XRCC4: variants seen among roughly 807,000 people sequenced by gnomAD.
The protein encoded by XRCC4 is X-ray repair cross complementing 4.
XRCC4 carries 28 observed loss-of-function variants against 39.1 expected under a neutral mutation model. The observed-to-expected ratio is 0.72, with a 90% CI of 0.53 to 0.98. The LOEUF (loss-of-function observed/expected upper bound fraction) is 0.98, where lower values mean the gene tolerates loss of function less well. Among genes scored for constraint, XRCC4 ranks in the 50% least tolerant of loss-of-function variants. The pLI, the probability that XRCC4 is intolerant of heterozygous loss-of-function variation, is 0.00. For synonymous variants in XRCC4, 123 were observed against 126.4 expected (o/e 0.97, Z 0.18); for missense variants, 350 against 376.4 (o/e 0.93, Z 0.58).
At chr5:83,114,369 T>C (rs1345880831) in intron 3 of XRCC4, among the ~76,000 whole-genome samples, 5 of 152,232 alleles carry the variant, frequency 3.3e-5, no homozygotes, top group Admixed American at 6.5e-5. Context: ...GCTGCAAATT[T>C]TCCAAACTTT....
chr5:83,112,628 A>G (rs1746496792), intron 3 of XRCC4, among the ~76,000 whole-genome samples: 1 of 152,220 alleles, frequency 6.6e-6, no homozygotes, highest in African/African-American at 2.4e-5. Flanking sequence ...TTTATAAAGG[A>G]AAAAGATTTA....
chr5:83,164,114 C>T (rs1043818506), intron 3 of XRCC4, among the ~76,000 whole-genome samples: 3 of 151,936 alleles, frequency 2.0e-5, no homozygotes, highest in African/African-American at 7.3e-5. Context: ...AAAAACTTAC[C>T]CTAAGTTCTT....
At chr5:83,237,013 A>G (rs1483211136) in intron 6 of XRCC4, among the ~76,000 whole-genome samples, 1 of 152,186 alleles carries the variant, frequency 6.6e-6, no homozygotes, top group Non-Finnish European at 1.5e-5. Flanking sequence ...CTGCAATGAG[A>G]TATCATCTCA....
downstream of XRCC4, among the ~76,000 whole-genome samples, chr5:83,355,796 C>T (rs1757183441): frequency 6.6e-6 from 1 of 152,082 alleles, no homozygotes; most frequent in Non-Finnish European, 1.5e-5. Context: ...GCCACCACAC[C>T]CGGCTAATTT....
intron 7 of XRCC4, among the ~76,000 whole-genome samples, chr5:83,327,540 T>C (rs73140203): frequency 0.02 from 3,088 of 152,142 alleles, 109 homozygotes; most frequent in African/African-American, 0.07. Flanking sequence ...GTGACAGTTA[T>C]GTTAATTAGC....
intron 7 of XRCC4, among the ~76,000 whole-genome samples, chr5:83,277,267 C>A (rs1460664984): frequency 6.6e-6 from 1 of 152,198 alleles, no homozygotes; most frequent in Non-Finnish European, 1.5e-5. Context: ...GATGAAATTG[C>A]ACTTCACAGC....
chr5:83,314,843 C>T (rs1473728570), intron 7 of XRCC4, among the ~76,000 whole-genome samples: 1 of 152,106 alleles, frequency 6.6e-6, no homozygotes, highest in Non-Finnish European at 1.5e-5. Context: ...CCTCCCTCTC[C>T]TCAGGCCTCC....
Position 83,093,542 on chromosome 5 carries a change from A to C in XRCC4, c.-10-11368A>C, listed in dbSNP as rs536781505. ...CAAATGTACACAGATCATTTCTGGGATAGATTGTATGTTAGTTCACAAAGC... is the reference window on the plus strand; with the variant it reads ...CAAATGTACACAGATCATTTCTGGGCTAGATTGTATGTTAGTTCACAAAGC... On this transcript the variant is annotated intron_variant, in intron 1 of 7. Coordinates refer to ENST00000396027, the MANE Select transcript of XRCC4 (RefSeq NM_003401.5). 2.2e-3 allele frequency among the ~76,000 whole-genome samples: 338 copies of C among 152,314 alleles called. 1 individual carries two copies. Among genetic ancestry groups the C allele is most frequent in the African/African-American group, 7.8e-3 (323 of 41,568 alleles).
At chr5:83,175,899 AT>A (rs1404560368) in intron 3 of XRCC4, among the ~76,000 whole-genome samples, 2 of 152,100 alleles carry the variant, frequency 1.3e-5, no homozygotes, top group Admixed American at 6.6e-5. Context: ...GTGAGCCACC[AT>A]TGCCCGGCTG....
At chr5:83,328,942 A>T (rs1756351362) in intron 7 of XRCC4, among the ~76,000 whole-genome samples, 1 of 152,044 alleles carries the variant, frequency 6.6e-6, no homozygotes, top group South Asian at 2.1e-4. Context: ...TTAATTTTTT[A>T]AATTTTTCTT....
intron 7 of XRCC4, among the ~76,000 whole-genome samples, chr5:83,316,237 G>A (rs1479292192): frequency 6.6e-6 from 1 of 152,116 alleles, no homozygotes; most frequent in Non-Finnish European, 1.5e-5. Flanking sequence ...TCTTATGGAT[G>A]AGCAAAGAAG....
chr5:83,334,642 A>G (rs1756538317), intron 7 of XRCC4, among the ~76,000 whole-genome samples: 1 of 151,518 alleles, frequency 6.6e-6, no homozygotes, highest in Non-Finnish European at 1.5e-5. Flanking sequence ...TAAAAATATT[A>G]TGTACATACG....
chr5:83,273,861 G>T (rs369296546), intron 7 of XRCC4, among the ~76,000 whole-genome samples: 1 of 151,906 alleles, frequency 6.6e-6, no homozygotes, highest in African/African-American at 2.4e-5. Flanking sequence ...GGTGCCACTA[G>T]CCTTGTTCTT....
At chr5:83,157,119 A>G (rs548963256) in intron 3 of XRCC4, among the ~76,000 whole-genome samples, 83 of 152,300 alleles carry the variant, frequency 5.4e-4, no homozygotes, top group African/African-American at 1.9e-3. Flanking sequence ...TAATTAAAAA[A>G]GGGAACTGGC....
At chr5:83,135,112 G>T (rs1194562531) in intron 3 of XRCC4, among the ~76,000 whole-genome samples, 1 of 152,184 alleles carries the variant, frequency 6.6e-6, no homozygotes, top group Non-Finnish European at 1.5e-5. Flanking sequence ...GGACACACAG[G>T]TACCGTCTGT....
intron 3 of XRCC4, among the ~76,000 whole-genome samples, chr5:83,170,132 A>G (rs898886765): frequency 2.0e-5 from 3 of 152,058 alleles, no homozygotes; most frequent in Non-Finnish European, 4.4e-5. Context: ...ATGACATGGC[A>G]TTTTTCATGT....
At chr5:83,328,836 T>C (rs988087001) in intron 7 of XRCC4, among the ~76,000 whole-genome samples, 11 of 152,258 alleles carry the variant, frequency 7.2e-5, no homozygotes, top group African/African-American at 2.6e-4. Flanking sequence ...CATGCATATA[T>C]ACAAATTTGG....
intron 3 of XRCC4, among the ~76,000 whole-genome samples, chr5:83,185,372 A>G (rs1012257747): frequency 1.3e-5 from 2 of 150,870 alleles, no homozygotes; most frequent in Admixed American, 6.6e-5. Flanking sequence ...CATTAAAAAA[A>G]AAAAACAACA....
chr5:83,340,099 A>G (rs1042989551), intron 7 of XRCC4, among the ~76,000 whole-genome samples: 1 of 152,176 alleles, frequency 6.6e-6, no homozygotes, highest in African/African-American at 2.4e-5. Context: ...AGATAATATT[A>G]CACTAACCTT....
Sources: gnomAD v4.1 joint callset for allele counts (sites outside exome capture counted in the v4.1 genomes callset) on GRCh38, gnomAD v4.1.1 for gene constraint, MANE v1.5 for transcripts, NCBI Gene and HGNC (gene_info 2026-07-23, HGNC 2026-07-21) for gene names.